Variants in NTRK3 observed in about 807,000 individuals in gnomAD.
The protein encoded by NTRK3 is NT-3 growth factor receptor.
Under a neutral mutation model 91.7 loss-of-function variants are expected in NTRK3, and 24 were observed. The ratio of observed to expected loss-of-function variants is 0.26; its 90% CI spans 0.19 to 0.37. The LOEUF (loss-of-function observed/expected upper bound fraction) is 0.37, where lower values mean the gene tolerates loss of function less well. NTRK3 is among the 10% of genes least tolerant of loss of function. The pLI, the probability that NTRK3 is intolerant of heterozygous loss-of-function variation, is 1.00. For missense variants in NTRK3, 880 were observed against 1,068.9 expected, an observed-to-expected ratio of 0.82 and a Z score of 2.46; for synonymous variants, 483 against 404.0, an observed-to-expected ratio of 1.20 and a Z score of -2.34.
At chr15:88,008,529 C>T (rs995483739) in intron 14 of NTRK3, among the ~76,000 whole-genome samples, 3 of 152,074 alleles carry the variant, frequency 2.0e-5, no homozygotes, top group African/African-American at 4.8e-5. Flanking sequence ...TTTCTAAAAG[C>T]TCCCGGTTGA....
In NTRK3 at chr15:88,179,748, A is replaced by T. The variant is rs1597794905; in HGVS notation, c.395+3670T>A. Among the ~76,000 whole-genome samples the T allele has an allele frequency of 2.0e-5, 3 of 152,214 alleles. No individual in the cohort carries two copies. In the East Asian group the frequency reaches 5.8e-4, roughly 29 times the overall value. ...GATCTCAACTCAGGTGGAAATAAAG[A>T]AAGTTGTCAGCTCATCAGTTTCAGT... is the stretch of plus-strand genomic sequence containing the variant. On this transcript the variant is annotated intron_variant, in intron 5 of 18. Transcript: ENST00000394480.
intron 14 of NTRK3, among the ~76,000 whole-genome samples, chr15:87,951,555 T>G (rs574378699): frequency 6.6e-6 from 1 of 152,326 alleles, no homozygotes; most frequent in South Asian, 2.1e-4. Flanking sequence ...TTACCCTCAT[T>G]CTTTCCCCCA....
rs957386123 is a variant in NTRK3 at position 88,243,013 on chromosome 15, GA to G, written c.248+12892del. Among the ~76,000 whole-genome samples, 1 of 152,162 alleles carries G rather than the reference GA, an allele frequency of 6.6e-6. No individual in the cohort carries two copies. Among genetic ancestry groups the G allele is most frequent in the Non-Finnish European group, 1.5e-5 (1 of 68,010 alleles). On this transcript the variant is annotated intron_variant, in intron 3 of 18. Coordinates refer to ENST00000394480, the Ensembl canonical transcript of NTRK3. The surrounding 1 kb of genome is among the most constrained non-coding windows in gnomAD (Gnocchi z 4.8). ...CCATAGGCCATAGGGCCCTCCCACG[GA>G]GGAGGAGGAGCTGCAGCTGCAGGCC...
exon 19 of NTRK3, chr15:87,864,498 A>C (rs181403697): frequency 3.5e-4 from 81 of 229,588 alleles, no homozygotes; most frequent in African/African-American, 1.7e-3. Context: ...AAATCCTTAA[A>C]TAATCAGCCT....
intron 13 of NTRK3, among the ~76,000 whole-genome samples, chr15:88,057,168 CAAA>C (rs547432747): frequency 1.4e-4 from 8 of 59,136 alleles, no homozygotes; most frequent in Admixed American, 2.0e-4. Context: ...AACTCCGTCT[CAAA>C]AAAAAAAAAA....
intron 7 of NTRK3, 115 bp from the exon 8 acceptor site, chr15:88,136,724 C>T: frequency 8.5e-6 from 11 of 1,295,886 alleles, no homozygotes; most frequent in Non-Finnish European, 1.2e-5. Flanking sequence ...GACTCTAACA[C>T]CACCTGCTTG....
At chr15:87,908,183 T>C (rs2066883287) in intron 17 of NTRK3, among the ~76,000 whole-genome samples, 1 of 152,216 alleles carries the variant, frequency 6.6e-6, no homozygotes, top group South Asian at 2.1e-4. Context: ...CGCACAGGTC[T>C]GGACAGAAGC....
intron 13 of NTRK3, among the ~76,000 whole-genome samples, chr15:88,094,350 T>C (rs1251855034): frequency 6.6e-6 from 1 of 151,188 alleles, no homozygotes; most frequent in East Asian, 1.9e-4. Flanking sequence ...GCGCCTGTAG[T>C]CCCAGCTACT....
intron 14 of NTRK3, among the ~76,000 whole-genome samples, chr15:87,960,835 A>G (rs2072204721): frequency 6.6e-6 from 1 of 151,642 alleles, no homozygotes; most frequent in Non-Finnish European, 1.5e-5. Context: ...CCTAGAAATT[A>G]CTCCTTTGTC....
At chr15:88,185,957 G>A (rs550024726) in intron 3 of NTRK3, among the ~76,000 whole-genome samples, 28 of 152,344 alleles carry the variant, frequency 1.8e-4, no homozygotes, top group Middle Eastern at 6.8e-3. Context: ...CAGGTGGCCA[G>A]GTTGGTGTTG....
At chr15:88,220,028 G>A (rs768632422) in intron 3 of NTRK3, among the ~76,000 whole-genome samples, 4 of 152,128 alleles carry the variant, frequency 2.6e-5, no homozygotes, top group Admixed American at 1.3e-4. Context: ...AGCTTCAAAT[G>A]CCCAGAGAAA....
intron 14 of NTRK3, among the ~76,000 whole-genome samples, chr15:87,968,153 G>C (rs757182437): frequency 4.6e-5 from 7 of 152,274 alleles, no homozygotes; most frequent in Admixed American, 1.3e-4. Flanking sequence ...GACATGTGAT[G>C]ATGTCATCAT....
chr15:87,879,578 G>A (rs2065131274), intron 18 of NTRK3, among the ~76,000 whole-genome samples: 1 of 152,148 alleles, frequency 6.6e-6, no homozygotes, highest in African/African-American at 2.4e-5. Flanking sequence ...CTCAACAGGT[G>A]TTTTTGCAAA....
chr15:88,010,487 T>C (rs2076801813), intron 14 of NTRK3, among the ~76,000 whole-genome samples: 1 of 152,136 alleles, frequency 6.6e-6, no homozygotes, highest in East Asian at 1.9e-4. Context: ...TTTCCAAGCT[T>C]TTTAGTAATT....
chr15:88,248,084 T>G (rs886647718), intron 3 of NTRK3, among the ~76,000 whole-genome samples: 4 of 152,180 alleles, frequency 2.6e-5, no homozygotes, highest in Non-Finnish European at 4.4e-5. Context: ...AGGGGCATAG[T>G]CCTGCTGACC....
At chr15:88,069,205 A>G (rs568693587) in intron 13 of NTRK3, among the ~76,000 whole-genome samples, 102 of 152,162 alleles carry the variant, frequency 6.7e-4, no homozygotes, top group African/African-American at 2.4e-3. Context: ...AATCATAACC[A>G]CCTCTGGGCA....
chr15:88,128,750 A>T lies in NTRK3; in HGVS notation c.1205-16T>A. 1 of 1,613,154 alleles carries T rather than the reference A, an allele frequency of 6.2e-7. No homozygotes were observed. On this transcript the variant is annotated splice_polypyrimidine_tract_variant and intron_variant, in intron 10 of 18. Coordinates refer to ENST00000394480, the Ensembl canonical transcript of NTRK3. ...TCCGTGCTCTCTGCAAAAAAAGGAC[A>T]AAGAGATAATTAACAAATTTAATAA...
At chr15:87,921,009 G>C (rs186219562) in intron 17 of NTRK3, among the ~76,000 whole-genome samples, 1 of 152,238 alleles carries the variant, frequency 6.6e-6, no homozygotes, top group Admixed American at 6.5e-5. Flanking sequence ...TTTTTGCCAA[G>C]GTACCCTGGT....
At chr15:88,035,525 A>T (rs1016781356) in intron 13 of NTRK3, among the ~76,000 whole-genome samples, 23 of 152,208 alleles carry the variant, frequency 1.5e-4, no homozygotes, top group African/African-American at 4.8e-4. Flanking sequence ...ACATTTGGAG[A>T]TCTACCAGTG....
Sources: allele counts gnomAD v4.1 joint callset (sites outside exome capture counted in the v4.1 genomes callset), GRCh38; gene constraint gnomAD v4.1.1; non-coding constraint Gnocchi (gnomAD v3.1); transcripts MANE v1.5; gene names NCBI Gene and HGNC (gene_info 2026-07-23, HGNC 2026-07-21).